The following ATP8A1 variants were observed in gnomAD, a reference collection of about 807,000 sequenced individuals.
The protein encoded by ATP8A1 is phospholipid-transporting ATPase IA.
A neutral mutation model predicts 177.7 loss-of-function variants in ATP8A1; 90 were observed. That is an observed-to-expected ratio of 0.51 (90% CI 0.43 to 0.60). The LOEUF (loss-of-function observed/expected upper bound fraction) is 0.60, where lower values mean the gene tolerates loss of function less well. Among genes scored for constraint, ATP8A1 ranks in the 20% least tolerant of loss-of-function variants. The pLI, the probability that ATP8A1 is intolerant of heterozygous loss-of-function variation, is 0.00. For synonymous variants in ATP8A1, 493 were observed against 485.9 expected, an observed-to-expected ratio of 1.01 and a Z score of -0.19; for missense variants, 1,072 against 1,392.8, an observed-to-expected ratio of 0.77 and a Z score of 3.67.
At chr4:42,491,464 C>G (rs1364039246) in intron 24 of ATP8A1, among the ~76,000 whole-genome samples, 1 of 152,074 alleles carries the variant, frequency 6.6e-6, no homozygotes, top group Non-Finnish European at 1.5e-5. Context: ...TTATGGCAAT[C>G]TTTTTCATTA....
At chr4:42,465,370 T>A (rs1719622387) in intron 25 of ATP8A1, among the ~76,000 whole-genome samples, 1 of 152,186 alleles carries the variant, frequency 6.6e-6, no homozygotes, top group South Asian at 2.1e-4. Context: ...CTAACAAACA[T>A]CAGAATTTCT....
chr4:42,424,366 C>T (rs1177941454), intron 33 of ATP8A1, among the ~76,000 whole-genome samples: 2 of 151,750 alleles, frequency 1.3e-5, no homozygotes, highest in Admixed American at 6.6e-5. Flanking sequence ...AATTAGATTA[C>T]ACAGAACTTA....
chr4:42,627,730 A>T (rs935940188), intron 1 of ATP8A1, among the ~76,000 whole-genome samples: 1 of 152,226 alleles, frequency 6.6e-6, no homozygotes, highest in African/African-American at 2.4e-5. Flanking sequence ...TGCAATGTTG[A>T]CAAACACTTT....
In ATP8A1 at chr4:42,624,635, C is replaced by T; in HGVS notation, c.265-1G>A. On this transcript the variant is annotated splice_acceptor_variant, in intron 3 of 36. Coordinates refer to ENST00000381668, the MANE Select transcript of ATP8A1 (RefSeq NM_006095.2). LOFTEE classifies it high-confidence loss of function. The stretch of plus-strand genomic sequence containing the variant: ...CTGTTGGTGACACATCAGGTATTTG[C>T]TGTTTGGAAAAAAAAAAAAAAGAGA... 1.6e-6 allele frequency: 2 copies of T among 1,288,670 alleles called. No individual in the cohort carries two copies. The highest frequency in any genetic ancestry group is 1.0e-6 in the Non-Finnish European group (1 of 995,466). The allele number at this position is 1,288,670 out of a possible 1,614,324, so 79.8% of individuals were successfully genotyped here.
At chr4:42,524,173 C>T (rs768721023) in intron 21 of ATP8A1, among the ~76,000 whole-genome samples, 12 of 152,140 alleles carry the variant, frequency 7.9e-5, no homozygotes, top group Non-Finnish European at 1.6e-4. Context: ...TTGCCTTGCA[C>T]ATAATATATT....
intron 27 of ATP8A1, among the ~76,000 whole-genome samples, chr4:42,464,411 C>G (rs1719507045): frequency 6.6e-6 from 1 of 151,948 alleles, no homozygotes; most frequent in Non-Finnish European, 1.5e-5. Context: ...ATTACAGGTG[C>G]CTGCTACCAC....
chr4:42,495,819 C>T (rs183645887), intron 24 of ATP8A1, among the ~76,000 whole-genome samples: 26 of 152,024 alleles, frequency 1.7e-4, no homozygotes, highest in Admixed American at 5.2e-4. Context: ...TAGAGGAAGG[C>T]GGCCCAACGA....
chr4:42,472,168 G>C, intron 25 of ATP8A1: 1 of 618,160 alleles, frequency 1.6e-6, no homozygotes, highest in Non-Finnish European at 3.1e-6. Context: ...CCTAGGAGCT[G>C]TATATGACAC....
At chr4:42,456,598 TA>T (rs1417866630) in intron 27 of ATP8A1, among the ~76,000 whole-genome samples, 2 of 152,158 alleles carry the variant, frequency 1.3e-5, no homozygotes, top group East Asian at 3.8e-4. Context: ...TGACAATTAG[TA>T]AACAATAGTA....
At chr4:42,462,103 G>C (rs1719229748) in intron 27 of ATP8A1, among the ~76,000 whole-genome samples, 1 of 152,142 alleles carries the variant, frequency 6.6e-6, no homozygotes, top group African/African-American at 2.4e-5. Flanking sequence ...GGGAAGCAGA[G>C]CATAAAAGTT....
At chr4:42,591,028 T>C (rs1734122546) in intron 6 of ATP8A1, 144 bp from the exon 7 acceptor site, 2 of 700,822 alleles carry the variant, frequency 2.9e-6, no homozygotes, top group Non-Finnish European at 4.7e-6. Flanking sequence ...CTAATGCCAA[T>C]TTTTTTCAAA....
At chr4:42,452,552 T>C (rs1177717743) in intron 29 of ATP8A1, among the ~76,000 whole-genome samples, 2 of 152,220 alleles carry the variant, frequency 1.3e-5, no homozygotes, top group Admixed American at 6.5e-5. Flanking sequence ...TCAAGATATA[T>C]ACTCGTTATA....
intron 33 of ATP8A1, among the ~76,000 whole-genome samples, chr4:42,430,750 T>C (rs1175627019): frequency 6.6e-6 from 1 of 152,172 alleles, no homozygotes; most frequent in Non-Finnish European, 1.5e-5. Flanking sequence ...TGTTCCTGCA[T>C]TAGTTTGTTA....
chr4:42,443,188 T>TA (rs1292666981), intron 33 of ATP8A1, among the ~76,000 whole-genome samples: 1 of 152,214 alleles, frequency 6.6e-6, no homozygotes, highest in Non-Finnish European at 1.5e-5. Context: ...GAAGAAATGA[T>TA]AGACTGTCCC....
rs752949195 is a variant in ATP8A1 at position 42,414,697 on chromosome 4, C to A, written c.3327G>T (p.Leu1109=). ...LGKSLTERAQ[L]LKNVFKKNHV... ...GGTTCTTCTTAAAGACGTTCTTGAG[C>A]AGTTGCGCCCTCTCGGTCAGGCTGC... Residue 1109 remains leucine (L), a synonymous_variant, in exon 36 of 37, where the codon CTG becomes CTT. Coordinates refer to ENST00000381668, the MANE Select transcript of ATP8A1 (RefSeq NM_006095.2). 6.2e-7 allele frequency: 1 copy of A among 1,613,878 alleles called. No homozygotes were observed. The highest frequency in any genetic ancestry group is 1.7e-5 in the Admixed American group (1 of 60,026).
chr4:42,537,073 G>A (rs1425331295), intron 20 of ATP8A1, among the ~76,000 whole-genome samples: 6 of 151,392 alleles, frequency 4.0e-5, no homozygotes, highest in Middle Eastern at 3.4e-3. Flanking sequence ...TGGAGGTTGC[G>A]GTGAGCCGAG....
intron 25 of ATP8A1, among the ~76,000 whole-genome samples, chr4:42,476,512 G>A (rs745500839): frequency 6.6e-6 from 1 of 151,874 alleles, no homozygotes; most frequent in African/African-American, 2.4e-5. Flanking sequence ...CCAGCTACTC[G>A]GGAGGCTGAG....
At chr4:42,589,264 T>G (rs1002608296) in intron 7 of ATP8A1, among the ~76,000 whole-genome samples, 2 of 152,210 alleles carry the variant, frequency 1.3e-5, no homozygotes, top group African/African-American at 4.8e-5. Flanking sequence ...AATTAATGCT[T>G]GGTTATATAA....
intron 8 of ATP8A1, among the ~76,000 whole-genome samples, chr4:42,587,936 C>T (rs1387627549): frequency 2.0e-5 from 3 of 152,142 alleles, no homozygotes; most frequent in African/African-American, 7.2e-5. Flanking sequence ...ATGGCAAAGT[C>T]AAATTATAAT....
Sources: allele counts gnomAD v4.1 joint callset (sites outside exome capture counted in the v4.1 genomes callset), GRCh38; gene constraint gnomAD v4.1.1; transcripts MANE v1.5; gene names NCBI Gene and HGNC (gene_info 2026-07-23, HGNC 2026-07-21).